The following SGMS1 variants were observed in gnomAD, a reference collection of about 807,000 sequenced individuals.
SGMS1 encodes the protein sphingomyelin synthase 1.
A neutral mutation model predicts 46.2 loss-of-function variants in SGMS1; 13 were observed. The observed-to-expected ratio is 0.28, with a 90% confidence interval of 0.18 to 0.45. The LOEUF is 0.45. Among genes scored for constraint, SGMS1 ranks in the 20% least tolerant of loss-of-function variants. The pLI, the probability that SGMS1 is intolerant of heterozygous loss-of-function variation, is 1.00. For missense variants in SGMS1, 324 were observed against 519.9 expected (o/e 0.62, Z 3.66); for synonymous variants, 203 against 187.8 (o/e 1.08, Z -0.66).
chr10:50,624,555 C>A, upstream of SGMS1: 11 of 980,286 alleles, frequency 1.1e-5, no homozygotes, highest in Non-Finnish European at 1.3e-5. Context: ...TCTAACCGCG[C>A]GAGGTGAAAA....
At chr10:50,559,486 A>C (rs766019689) in intron 2 of SGMS1, among the ~76,000 whole-genome samples, 2 of 152,242 alleles carry the variant, frequency 1.3e-5, no homozygotes, top group Non-Finnish European at 2.9e-5. Context: ...TCTCTTGGCC[A>C]ATTCTCTGGA....
chr10:50,550,288 T>C (rs1838137473), intron 2 of SGMS1, among the ~76,000 whole-genome samples: 1 of 152,346 alleles, frequency 6.6e-6, no homozygotes, highest in East Asian at 1.9e-4. Flanking sequence ...AAATCCTTGG[T>C]AGCAAATAAT....
chr10:50,580,800 A>G (rs1444369339), intron 2 of SGMS1, among the ~76,000 whole-genome samples: 5 of 152,208 alleles, frequency 3.3e-5, no homozygotes, highest in Non-Finnish European at 7.4e-5. Context: ...CATGGGTATG[A>G]AGTTTCAGAT....
intron 6 of SGMS1, among the ~76,000 whole-genome samples, chr10:50,388,518 G>A (rs139825859): frequency 1.3e-4 from 19 of 150,612 alleles, no homozygotes; most frequent in Non-Finnish European, 2.8e-4. Context: ...GATGGTGGGT[G>A]CCTGTAATCC....
intron 6 of SGMS1, among the ~76,000 whole-genome samples, chr10:50,415,586 G>A (rs979050648): frequency 9.2e-5 from 14 of 152,078 alleles, no homozygotes; most frequent in African/African-American, 3.4e-4. Context: ...TGATGATGTG[G>A]GGCTGTCAGC....
intron 2 of SGMS1, among the ~76,000 whole-genome samples, chr10:50,575,101 A>G (rs955909503): frequency 1.3e-5 from 2 of 151,618 alleles, no homozygotes; most frequent in African/African-American, 4.8e-5. Context: ...CAAATACTAC[A>G]TGATTACCAG....
intron 6 of SGMS1, among the ~76,000 whole-genome samples, chr10:50,427,248 C>T (rs752727794): frequency 3.3e-5 from 5 of 151,848 alleles, no homozygotes; most frequent in Non-Finnish European, 4.4e-5. Context: ...AATACAAAAA[C>T]ATTAGCCGGG....
At chr10:50,382,868 C>T (rs959673060) in intron 6 of SGMS1, among the ~76,000 whole-genome samples, 1 of 152,160 alleles carries the variant, frequency 6.6e-6, no homozygotes, top group Non-Finnish European at 1.5e-5. Context: ...TAGCACCACA[C>T]TATGCTAGCT....
chr10:50,351,749 A>G (rs1487506206), intron 6 of SGMS1, among the ~76,000 whole-genome samples: 2 of 152,214 alleles, frequency 1.3e-5, no homozygotes, highest in East Asian at 1.9e-4. Flanking sequence ...TGTAAGTCCA[A>G]TTAAATATCT....
intron 9 of SGMS1, among the ~76,000 whole-genome samples, chr10:50,310,529 T>C (rs1847237730): frequency 6.6e-6 from 1 of 151,932 alleles, no homozygotes; most frequent in Admixed American, 6.6e-5. Flanking sequence ...TGTATATAAA[T>C]TTAAAAAACC....
intron 2 of SGMS1, among the ~76,000 whole-genome samples, chr10:50,532,273 G>GTC (rs1837961938): frequency 7.2e-6 from 1 of 138,804 alleles, no homozygotes; most frequent in Non-Finnish European, 1.6e-5. Flanking sequence ...GTGTGTGTGT[G>GTC]TCCTGTGATG....
At chr10:50,390,764 G>T (rs1848754595) in intron 6 of SGMS1, among the ~76,000 whole-genome samples, 1 of 152,212 alleles carries the variant, frequency 6.6e-6, no homozygotes, top group Admixed American at 6.5e-5. Flanking sequence ...ATGTCTACAA[G>T]GATAGAGGAA....
intron 5 of SGMS1, among the ~76,000 whole-genome samples, chr10:50,453,224 G>C (rs1041741357): frequency 1.3e-5 from 2 of 151,930 alleles, no homozygotes; most frequent in South Asian, 4.2e-4. Context: ...ATTTCAATAA[G>C]AGAAATTTAA....
chr10:50,363,905 G>C (rs745644870), intron 6 of SGMS1, among the ~76,000 whole-genome samples: 6 of 151,966 alleles, frequency 3.9e-5, no homozygotes, highest in Middle Eastern at 3.4e-3. Context: ...AAAAGCCAGA[G>C]ATGAAGATAA....
chr10:50,329,736 TGTACA>T (rs1227100838), intron 7 of SGMS1, among the ~76,000 whole-genome samples: 2 of 152,224 alleles, frequency 1.3e-5, no homozygotes, highest in Non-Finnish European at 2.9e-5. Context: ...AACAAGAAGA[TGTACA>T]GTACAATTTT....
intron 6 of SGMS1, among the ~76,000 whole-genome samples, chr10:50,386,552 T>C (rs1365441784): frequency 6.6e-6 from 1 of 152,182 alleles, no homozygotes; most frequent in Non-Finnish European, 1.5e-5. Flanking sequence ...GCTGCTAAAA[T>C]AAAACGCATG....
chr10:50,526,277 G>T (rs188199351), intron 2 of SGMS1, among the ~76,000 whole-genome samples: 1 of 152,132 alleles, frequency 6.6e-6, no homozygotes, highest in Non-Finnish European at 1.5e-5. Context: ...GCAGCAGGAG[G>T]GGGTGGTCGG....
At chr10:50,607,875 A>T (rs547935870) in intron 1 of SGMS1, among the ~76,000 whole-genome samples, 1 of 152,226 alleles carries the variant, frequency 6.6e-6, no homozygotes, top group Non-Finnish European at 1.5e-5. Context: ...CTCATATTGT[A>T]TTACATGGAC....
At chr10:50,347,670 GGA>G (rs1184384757) in intron 6 of SGMS1, among the ~76,000 whole-genome samples, 3 of 152,094 alleles carry the variant, frequency 2.0e-5, no homozygotes, top group Non-Finnish European at 4.4e-5. Context: ...GAGGCCCAAG[GGA>G]GATGAACACA....
Sources: allele counts gnomAD v4.1 joint callset (sites outside exome capture counted in the v4.1 genomes callset), GRCh38; gene constraint gnomAD v4.1.1; transcripts MANE v1.5; gene names NCBI Gene and HGNC (gene_info 2026-07-23, HGNC 2026-07-21).